Variants in CSMD1 observed in about 807,000 individuals in gnomAD.
CSMD1 encodes the protein CUB and sushi domain-containing protein 1.
In CSMD1, 213 loss-of-function variants were observed where a neutral mutation model predicts 417.5. That is an observed-to-expected ratio of 0.51 (90% CI 0.46 to 0.57). CSMD1 has a LOEUF of 0.57. CSMD1 is among the 20% of genes least tolerant of loss of function. The pLI is 0.00. For synonymous variants in CSMD1, 2,862 were observed against 1,736.8 expected, an observed-to-expected ratio of 1.65 and a Z score of -16.11; for missense variants, 6,923 against 4,529.7, an observed-to-expected ratio of 1.53 and a Z score of -15.17.
intron 26 of CSMD1, among the ~76,000 whole-genome samples, chr8:3,264,587 C>T (rs1043474146): frequency 6.6e-6 from 1 of 152,162 alleles, no homozygotes. Flanking sequence ...TAAATATTAA[C>T]AATCATTTAT....
chr8:4,436,548 T>G (rs1164164552), intron 2 of CSMD1, among the ~76,000 whole-genome samples: 2 of 149,276 alleles, frequency 1.3e-5, no homozygotes, highest in African/African-American at 5.2e-5. Flanking sequence ...CCGATCACAC[T>G]GTAAGTTATT....
chr8:4,138,152 T>A (rs1423436212), intron 3 of CSMD1, among the ~76,000 whole-genome samples: 2 of 137,282 alleles, frequency 1.5e-5, no homozygotes, highest in African/African-American at 5.4e-5. Context: ...CCTGACCTCA[T>A]GATCCTCCCA....
At chr8:4,652,574 C>T (rs140770624) in intron 1 of CSMD1, among the ~76,000 whole-genome samples, 3,034 of 151,998 alleles carry the variant, frequency 0.02, 53 homozygotes, top group Middle Eastern at 0.031. Flanking sequence ...ATCGCTTGAA[C>T]CCGGGAGGCA....
intron 42 of CSMD1, among the ~76,000 whole-genome samples, chr8:3,112,007 G>C (rs1231140429): frequency 6.6e-6 from 1 of 151,556 alleles, no homozygotes; most frequent in Non-Finnish European, 1.5e-5. Flanking sequence ...TCAACTCCTT[G>C]TCACCGCTTC....
intron 10 of CSMD1, among the ~76,000 whole-genome samples, chr8:3,544,191 T>G (rs557886550): frequency 6.6e-6 from 1 of 152,098 alleles, no homozygotes; most frequent in Non-Finnish European, 1.5e-5. Context: ...AGGTTCATGG[T>G]TAAGGGAAGA....
At chr8:4,238,868 G>T (rs905076478) in intron 3 of CSMD1, among the ~76,000 whole-genome samples, 12 of 152,038 alleles carry the variant, frequency 7.9e-5, no homozygotes, top group Admixed American at 2.0e-4. Flanking sequence ...GATAGCAAAT[G>T]CAATTTTTTT....
chr8:3,415,579 C>T (rs1813081600), intron 12 of CSMD1, among the ~76,000 whole-genome samples: 1 of 152,174 alleles, frequency 6.6e-6, no homozygotes, highest in Non-Finnish European at 1.5e-5. Context: ...CGCTGGTCTC[C>T]AACTCCTGGC....
intron 3 of CSMD1, among the ~76,000 whole-genome samples, chr8:4,170,678 C>G (rs992928582): frequency 1.3e-5 from 2 of 151,228 alleles, no homozygotes; most frequent in Non-Finnish European, 2.9e-5. Context: ...GTTGGAGGAG[C>G]TAGAACTCTG....
intron 1 of CSMD1, among the ~76,000 whole-genome samples, chr8:4,912,401 G>T (rs112250261): frequency 9.9e-5 from 15 of 151,484 alleles, no homozygotes; most frequent in African/African-American, 2.7e-4. Context: ...CTTGCTGTGG[G>T]GTTGTCTAGA....
At chr8:3,363,772 G>C (rs1169955227) in intron 20 of CSMD1, among the ~76,000 whole-genome samples, 2 of 152,160 alleles carry the variant, frequency 1.3e-5, no homozygotes, top group Non-Finnish European at 2.9e-5. Context: ...GAGAAATGAT[G>C]CTAATTCACT....
intron 5 of CSMD1, among the ~76,000 whole-genome samples, chr8:3,973,744 A>G (rs959007663): frequency 5.3e-5 from 8 of 152,214 alleles, no homozygotes; most frequent in African/African-American, 1.9e-4. Context: ...TCATTGATAC[A>G]CTAATGCAAA....
intron 3 of CSMD1, among the ~76,000 whole-genome samples, chr8:4,073,494 C>A (rs1412847941): frequency 6.6e-6 from 1 of 152,132 alleles, no homozygotes; most frequent in East Asian, 1.9e-4. Context: ...CTGTCCTCAT[C>A]CAATATTCTT....
intron 5 of CSMD1, among the ~76,000 whole-genome samples, chr8:3,790,662 G>A (rs150707793): frequency 2.4e-3 from 366 of 152,270 alleles, no homozygotes; most frequent in African/African-American, 8.5e-3. Context: ...GGATTTTGTT[G>A]TTGTTGTTAA....
intron 3 of CSMD1, among the ~76,000 whole-genome samples, chr8:4,219,744 G>A (rs1454912971): frequency 6.6e-6 from 1 of 152,094 alleles, no homozygotes; most frequent in African/African-American, 2.4e-5. Flanking sequence ...TGGTTTGAAT[G>A]ACTTCTTTTC....
At chr8:3,864,236 G>C (rs983313693) in intron 5 of CSMD1, among the ~76,000 whole-genome samples, 11 of 152,154 alleles carry the variant, frequency 7.2e-5, no homozygotes, top group African/African-American at 2.7e-4. Flanking sequence ...CAAACCCATA[G>C]ACTGTTGTTA....
At chr8:3,838,544 T>TATA in intron 5 of CSMD1, among the ~76,000 whole-genome samples, 1 of 126,426 alleles carries the variant, frequency 7.9e-6, no homozygotes, top group South Asian at 2.3e-4. Flanking sequence ...AGTCTATATA[T>TATA]GTACTCTCTG....
intron 5 of CSMD1, among the ~76,000 whole-genome samples, chr8:3,858,134 C>A (rs1438943906): frequency 6.6e-6 from 1 of 152,200 alleles, no homozygotes; most frequent in South Asian, 2.1e-4. Flanking sequence ...TCTTAGCTAT[C>A]TCTCACTAGA....
At chr8:3,000,840 A>G (rs944910479) in intron 52 of CSMD1, among the ~76,000 whole-genome samples, 1 of 152,216 alleles carries the variant, frequency 6.6e-6, no homozygotes, top group Non-Finnish European at 1.5e-5. Context: ...CGAGATCGCG[A>G]CAGGCGTCTT....
At chr8:4,724,005 A>T (rs1374586548) in intron 1 of CSMD1, among the ~76,000 whole-genome samples, 2 of 152,068 alleles carry the variant, frequency 1.3e-5, no homozygotes, top group Non-Finnish European at 2.9e-5. Flanking sequence ...TAAAAATATG[A>T]TGCTCTGTCA....
Sources: allele counts gnomAD v4.1 joint callset (sites outside exome capture counted in the v4.1 genomes callset), GRCh38; gene constraint gnomAD v4.1.1; transcripts MANE v1.5; gene names NCBI Gene and HGNC (gene_info 2026-07-23, HGNC 2026-07-21).